The following CCDC171 variants were observed in gnomAD, a reference collection of about 807,000 sequenced individuals.
The protein encoded by CCDC171 is coiled-coil domain containing 171, also known as coiled-coil domain-containing protein 171.
A neutral mutation model predicts 168.2 loss-of-function variants in CCDC171; 177 were observed. The observed-to-expected ratio is 1.05, with a 90% CI of 0.93 to 1.19. CCDC171 has a LOEUF of 1.19. CCDC171 is among the 50% of genes most tolerant of loss of function. The pLI is 0.00. For missense variants in CCDC171, 1,991 were observed against 1,539.0 expected, an observed-to-expected ratio of 1.29 and a Z score of -4.91; for synonymous variants, 687 against 540.8, an observed-to-expected ratio of 1.27 and a Z score of -3.75.
At chr9:15,876,042 T>C (rs1038676369) in intron 24 of CCDC171, 2 of 152,072 alleles carry the variant, frequency 1.3e-5, no homozygotes, top group African/African-American at 2.4e-5. Flanking sequence ...TCACAAGGCT[T>C]AGTATTTGTC....
At chr9:16,096,107 A>T in the CCDC171 span, among the ~76,000 whole-genome samples, 2 of 152,240 alleles carry the variant, frequency 1.3e-5, no homozygotes, top group East Asian at 3.9e-4. Flanking sequence ...TTTAGCAAAT[A>T]TCAGCGTGGA....
chr9:15,768,420 T>C (rs2056847704), intron 18 of CCDC171, among the ~76,000 whole-genome samples: 1 of 152,176 alleles, frequency 6.6e-6, no homozygotes, highest in Non-Finnish European at 1.5e-5. Flanking sequence ...TGCTGTGGTC[T>C]TAGCTCATTT....
At chr9:15,995,929 C>T (rs1168066666) in intron 3 of CCDC171, among the ~76,000 whole-genome samples, 2 of 152,142 alleles carry the variant, frequency 1.3e-5, no homozygotes, top group Non-Finnish European at 2.9e-5. Context: ...TAGCTTTGTG[C>T]AGTGTTTTTC....
At chr9:16,108,169 A>T in the CCDC171 span, among the ~76,000 whole-genome samples, 1 of 152,172 alleles carries the variant, frequency 6.6e-6, no homozygotes, top group African/African-American at 2.4e-5. Context: ...ATTGGAGGCT[A>T]CTTATGGGAG....
intron 23 of CCDC171, among the ~76,000 whole-genome samples, chr9:15,857,013 G>C (rs1369474303): frequency 1.3e-5 from 2 of 151,840 alleles, no homozygotes; most frequent in African/African-American, 4.8e-5. Context: ...GTCTTCTTTG[G>C]ATAAATGTAT....
chr9:15,936,537 A>T (rs1827141664), intron 25 of CCDC171, among the ~76,000 whole-genome samples: 1 of 151,896 alleles, frequency 6.6e-6, no homozygotes, highest in Admixed American at 6.6e-5. Flanking sequence ...GAGCGAGAGG[A>T]GGGTGGGATG....
At chr9:15,631,811 G>C (rs1435241491) in intron 7 of CCDC171, among the ~76,000 whole-genome samples, 1 of 152,150 alleles carries the variant, frequency 6.6e-6, no homozygotes, top group African/African-American at 2.4e-5. Context: ...ACATCAAAAA[G>C]CTTATCCACC....
intron 7 of CCDC171, among the ~76,000 whole-genome samples, chr9:15,656,228 A>G (rs2132925452): frequency 6.6e-6 from 1 of 152,028 alleles, no homozygotes; most frequent in Middle Eastern, 3.4e-3. Flanking sequence ...AGGCTGAGGC[A>G]GGAGAATGGT....
chr9:15,584,164 G>T (rs1478640094), intron 4 of CCDC171, among the ~76,000 whole-genome samples: 4 of 152,192 alleles, frequency 2.6e-5, no homozygotes, highest in South Asian at 4.1e-4. Flanking sequence ...ACCGTGCCCG[G>T]CATGTTAAGG....
chr9:16,011,336 AG>A (rs1285264466), intron 3 of CCDC171, among the ~76,000 whole-genome samples: 7 of 152,194 alleles, frequency 4.6e-5, no homozygotes, highest in African/African-American at 1.7e-4. Flanking sequence ...GGAACAATGC[AG>A]GAAGACAGTC....
chr9:15,623,471 G>GCTCACACACA, intron 7 of CCDC171, 58 bp downstream of exon 7: 2 of 505,242 alleles, frequency 4.0e-6, no homozygotes, highest in Non-Finnish European at 6.5e-6. Context: ...ATATGCGCGC[G>GCTCACACACA]CGCGCACACA....
At chr9:15,831,224 G>A (rs907914081) in intron 21 of CCDC171, among the ~76,000 whole-genome samples, 4 of 151,568 alleles carry the variant, frequency 2.6e-5, no homozygotes, top group South Asian at 2.1e-4. Context: ...CGGCTGCCTC[G>A]GCCTCCCAAA....
downstream of CCDC171, among the ~76,000 whole-genome samples, chr9:16,064,023 T>C (rs542454209): frequency 2.0e-5 from 3 of 152,338 alleles, no homozygotes; most frequent in East Asian, 5.8e-4. Flanking sequence ...GAAATCCTTT[T>C]TCCACAGTGA....
intron 3 of CCDC171, among the ~76,000 whole-genome samples, chr9:15,993,040 G>A (rs1171814540): frequency 6.6e-6 from 1 of 152,116 alleles, no homozygotes; most frequent in Non-Finnish European, 1.5e-5. Context: ...TATAGATTCA[G>A]TGCTATCCCC....
At chr9:16,064,410 G>T (rs376771237), downstream of CCDC171, among the ~76,000 whole-genome samples, 197 of 152,246 alleles carry the variant, frequency 1.3e-3, no homozygotes, top group African/African-American at 4.6e-3. Flanking sequence ...TGGGGAGAGG[G>T]TGAGGGAGGC....
At chr9:15,929,590 C>T (rs1194800463) in intron 25 of CCDC171, among the ~76,000 whole-genome samples, 2 of 151,776 alleles carry the variant, frequency 1.3e-5, no homozygotes, top group African/African-American at 4.8e-5. Flanking sequence ...CTAAGCCTTA[C>T]TGTTTCTACC....
In CCDC171 at chr9:15,833,810, A is replaced by G. The variant is rs1322965260; in HGVS notation, c.3268-12892A>G. On this transcript the variant is annotated intron_variant, in intron 21 of 25. Coordinates refer to ENST00000380701, the MANE Select transcript of CCDC171 (RefSeq NM_173550.4). ...ATCTAACTTTTAAAACAATTTTAAAAATAAATATTATTACCCATCATTTGC... is the reference window on the plus strand; with the variant it reads ...ATCTAACTTTTAAAACAATTTTAAAGATAAATATTATTACCCATCATTTGC... 2.0e-5 allele frequency among the ~76,000 whole-genome samples: 3 copies of G among 152,224 alleles called. No homozygotes were observed. The East Asian group carries it at 5.8e-4, about 29-fold the overall frequency.
chr9:15,638,178 A>G (rs896820613), intron 7 of CCDC171, among the ~76,000 whole-genome samples: 4 of 152,106 alleles, frequency 2.6e-5, no homozygotes, highest in African/African-American at 9.7e-5. Context: ...TTTTTCTTCT[A>G]TTTGTAAGAA....
intron 7 of CCDC171, among the ~76,000 whole-genome samples, chr9:15,648,559 A>G (rs1341165611): frequency 6.6e-6 from 1 of 152,242 alleles, no homozygotes; most frequent in African/African-American, 2.4e-5. Flanking sequence ...GTCTCAGGAT[A>G]CAAAATCAAT....
Sources: allele counts gnomAD v4.1 joint callset (sites outside exome capture counted in the v4.1 genomes callset), GRCh38; gene constraint gnomAD v4.1.1; transcripts MANE v1.5; gene names NCBI Gene and HGNC (gene_info 2026-07-23, HGNC 2026-07-21).